UTY: variants seen among roughly 807,000 people sequenced by gnomAD.
UTY encodes histone demethylase UTY.
UTY carries 12 observed loss-of-function variants against 32.5 expected under a neutral mutation model. The ratio of observed to expected loss-of-function variants is 0.37; its 90% confidence interval spans 0.24 to 0.60. UTY has a LOEUF of 0.60. Ranked by LOEUF, UTY falls within the 20% of genes least tolerant of loss-of-function variation. UTY has a pLI of 0.69. For missense variants in UTY, 303 were observed against 299.2 expected, an observed-to-expected ratio of 1.01 and a Z score of -0.09; for synonymous variants, 131 against 103.4, an observed-to-expected ratio of 1.27 and a Z score of -1.62.
intron 21 of UTY, among the ~76,000 whole-genome samples, chrY:13,317,741 CAT>C (rs2059574773): frequency 3.0e-5 from 1 of 33,646 alleles, no homozygotes; most frequent in Non-Finnish European, 7.3e-5. Flanking sequence ...AATTAAATAA[CAT>C]GTTTTATTAT....
chrY:13,323,051 C>T, intron 21 of UTY: 4 of 223,254 alleles, frequency 1.8e-5, no homozygotes, highest in Non-Finnish European at 2.2e-5. Flanking sequence ...AAAGTAGGAA[C>T]TTTATTTCTC....
At chrY:13,300,599 G>GT (rs1208747468) in intron 25 of UTY, among the ~76,000 whole-genome samples, 20 of 32,947 alleles carry the variant, frequency 6.1e-4, no homozygotes, top group Non-Finnish European at 1.3e-3. Flanking sequence ...AAAAAATTTT[G>GT]TTTTTTTCAA....
At chrY:13,464,632 T>C (rs2077729122) in intron 3 of UTY, among the ~76,000 whole-genome samples, 1 of 31,547 alleles carries the variant, frequency 3.2e-5, no homozygotes, top group African/African-American at 1.3e-4. Flanking sequence ...ATTAGCTGGG[T>C]GTGGTGGCAC....
chrY:13,320,914 G>A, intron 21 of UTY, among the ~76,000 whole-genome samples: 1 of 32,563 alleles, frequency 3.1e-5, no homozygotes, highest in Non-Finnish European at 7.5e-5. Flanking sequence ...TTTCTGCATG[G>A]TCCCTGTAGA....
At chrY:13,288,985 G>A (rs775373978) in intron 27 of UTY, among the ~76,000 whole-genome samples, 11 of 33,278 alleles carry the variant, frequency 3.3e-4, no homozygotes, top group South Asian at 1.3e-3. Flanking sequence ...CTCAATCCAG[G>A]AGCCATGTTT....
Position 13,366,310 on chromosome Y carries a change from C to A in UTY, c.823G>T (p.Glu275Ter), listed in dbSNP as rs1380527641. 1 of 394,930 alleles carries A rather than the reference C, an allele frequency of 2.5e-6. No individual in the cohort carries two copies. The highest frequency in any genetic ancestry group is 6.2e-5 in the African/African-American group (1 of 16,083). The change falls in exon 10 of 30, where the codon GAG becomes TAG. Residue 275 changes from glutamate (E) to a stop codon, truncating the protein, a stop_gained. Coordinates refer to ENST00000545955, the MANE Select transcript of UTY (RefSeq NM_001258249.2). LOFTEE classifies it high-confidence loss of function. ...GATTGGCCAGAATTAGGATCTGCCT[C>A]CAAAGACTTTTGGAGATACTGAATA... ...YAIQYLQKSL[E>*]ADPNSGQSWY...
At chrY:13,421,401 AT>A (rs2072527352) in intron 4 of UTY, among the ~76,000 whole-genome samples, 1 of 33,515 alleles carries the variant, frequency 3.0e-5, no homozygotes. Context: ...CCCAGAGTAT[AT>A]TCTCACTATA....
At chrY:13,387,409 C>G (rs2066992035) in intron 8 of UTY, among the ~76,000 whole-genome samples, 3 of 33,674 alleles carry the variant, frequency 8.9e-5, no homozygotes, top group Admixed American at 8.0e-4. Context: ...CAAACACATT[C>G]AAAATTATGC....
intron 4 of UTY, among the ~76,000 whole-genome samples, chrY:13,431,649 T>C: frequency 3.0e-5 from 1 of 33,026 alleles, no homozygotes; most frequent in African/African-American, 1.2e-4. Flanking sequence ...ACGCATCACA[T>C]TAAAAGAGTC....
In UTY at chrY:13,446,305, C is replaced by T. The variant is rs991504494; in HGVS notation, c.375+2712G>A. On this transcript the variant is annotated intron_variant, in intron 4 of 29. Transcript: ENST00000545955. ...CCTATATAACAAACCTGCACATGTACCTGAGCCTGAAAGTTAAAAAATAAA... is the reference window on the plus strand; with the variant it reads ...CCTATATAACAAACCTGCACATGTATCTGAGCCTGAAAGTTAAAAAATAAA... Among the ~76,000 whole-genome samples the T allele has an allele frequency of 9.3e-5, 3 of 32,271 alleles. No individual in the cohort carries two copies. In the South Asian group the frequency reaches 2.1e-3, roughly 22 times the overall value. The allele number at this position is 32,271 out of a possible 37,273, so 86.6% of individuals were successfully genotyped here.
intron 4 of UTY, among the ~76,000 whole-genome samples, chrY:13,419,999 T>C (rs2149738650): frequency 3.0e-5 from 1 of 33,595 alleles, no homozygotes; most frequent in Non-Finnish European, 7.3e-5. Context: ...CTTCATAATA[T>C]CAGAAACTAG....
intron 28 of UTY, among the ~76,000 whole-genome samples, chrY:13,237,077 G>A (rs1011498059): frequency 1.4e-3 from 46 of 33,454 alleles, no homozygotes; most frequent in African/African-American, 5.3e-3. Flanking sequence ...AGAAAGGGAG[G>A]AAATAACACT....
At chrY:13,312,834 C>G (rs973929181) in intron 21 of UTY, among the ~76,000 whole-genome samples, 3 of 33,028 alleles carry the variant, frequency 9.1e-5, no homozygotes, top group Non-Finnish European at 2.2e-4. Flanking sequence ...GAGATACTAT[C>G]TCACATTAGT....
At chrY:13,429,472 T>A in intron 4 of UTY, among the ~76,000 whole-genome samples, 2 of 33,079 alleles carry the variant, frequency 6.0e-5, no homozygotes, top group South Asian at 6.7e-4. Flanking sequence ...TCATACTTAC[T>A]GACTTGTGTA....
At chrY:13,253,468 C>T in intron 28 of UTY, among the ~76,000 whole-genome samples, 1 of 33,164 alleles carries the variant, frequency 3.0e-5, no homozygotes, top group Non-Finnish European at 7.4e-5. Context: ...GCTCTTAGTT[C>T]TATTCAGGCG....
At chrY:13,404,041 T>C in intron 6 of UTY, among the ~76,000 whole-genome samples, 1 of 33,818 alleles carries the variant, frequency 3.0e-5, no homozygotes, top group Non-Finnish European at 7.3e-5. Flanking sequence ...CCCTCAAATA[T>C]CCTTTTCATT....
intron 27 of UTY, among the ~76,000 whole-genome samples, chrY:13,263,337 T>G: frequency 3.0e-5 from 1 of 33,305 alleles, no homozygotes; most frequent in South Asian, 6.7e-4. Flanking sequence ...AAGGCAGCAG[T>G]AGGAAATGAA....
At chrY:13,312,818 C>T in intron 21 of UTY, among the ~76,000 whole-genome samples, 1 of 32,640 alleles carries the variant, frequency 3.1e-5, no homozygotes, top group South Asian at 6.7e-4. Context: ...AAATCAAAAT[C>T]GCAATGAGAT....
intron 3 of UTY, among the ~76,000 whole-genome samples, chrY:13,465,430 CAAT>C (rs2077819698): frequency 2.9e-5 from 1 of 34,122 alleles, no homozygotes; most frequent in Admixed American, 2.6e-4. Flanking sequence ...CAGCTAACAA[CAAT>C]GTTGTGATCA....
Sources: allele counts gnomAD v4.1 joint callset (sites outside exome capture counted in the v4.1 genomes callset), GRCh38; gene constraint gnomAD v4.1.1; transcripts MANE v1.5; gene names NCBI Gene and HGNC (gene_info 2026-07-23, HGNC 2026-07-21).